NXPH2: variants seen among roughly 807,000 people sequenced by gnomAD.
The protein encoded by NXPH2 is neurexophilin 2, also known as neurexophilin-2.
NXPH2 carries 5 observed loss-of-function variants against 19.8 expected under a neutral mutation model. The ratio of observed to expected loss-of-function variants is 0.25; its 90% confidence interval spans 0.13 to 0.53. NXPH2 has a LOEUF of 0.53. NXPH2 is among the 20% of genes least tolerant of loss of function. The pLI is 0.96. For synonymous variants in NXPH2, 154 were observed against 127.4 expected (o/e 1.21, Z -1.41); for missense variants, 289 against 322.8 (o/e 0.90, Z 0.80).
chr2:138,670,451 A>G lies in NXPH2; in HGVS notation c.*471T>C, dbSNP rs542990082. Among the ~76,000 whole-genome samples the G allele has an allele frequency of 6.6e-6, 1 of 152,342 alleles. No individual in the cohort carries two copies. Among genetic ancestry groups the G allele is most frequent in the East Asian group, 1.9e-4 (1 of 5,186 alleles). ...CAGATGGATGGGGGAAAAGATAGAA[A>G]TATAAAAAAAAGGGTCCAATGTCAA... On this transcript the variant is annotated 3_prime_UTR_variant, in exon 2 of 2. Transcript: ENST00000272641.
At chr2:138,707,094 C>CCAAAAAA (rs1553482501) in intron 1 of NXPH2, among the ~76,000 whole-genome samples, 3 of 34,840 alleles carry the variant, frequency 8.6e-5, no homozygotes, top group African/African-American at 2.4e-4. Flanking sequence ...TGCCCCATGA[C>CCAAAAAA]AAAAAAAAAA....
intron 1 of NXPH2, among the ~76,000 whole-genome samples, chr2:138,688,707 T>A (rs1176024310): frequency 2.0e-5 from 3 of 152,156 alleles, no homozygotes; most frequent in Non-Finnish European, 2.9e-5. Context: ...ATGACAAAAA[T>A]GAAACTTGAA....
At chr2:138,755,586 TAGTA>T (rs909652086) in intron 1 of NXPH2, among the ~76,000 whole-genome samples, 1 of 152,146 alleles carries the variant, frequency 6.6e-6, no homozygotes, top group Non-Finnish European at 1.5e-5. Context: ...TACAGCCTAA[TAGTA>T]AGTCTTAAAA....
intron 1 of NXPH2, among the ~76,000 whole-genome samples, chr2:138,720,217 G>A (rs916131644): frequency 1.3e-5 from 2 of 151,902 alleles, no homozygotes; most frequent in South Asian, 2.1e-4. Context: ...ACAATGCAAA[G>A]TAGGTCTCGT....
intron 1 of NXPH2, among the ~76,000 whole-genome samples, chr2:138,731,332 G>A (rs1428466836): frequency 1.3e-5 from 2 of 151,778 alleles, no homozygotes; most frequent in African/African-American, 2.4e-5. Flanking sequence ...GGAAAAGCTC[G>A]GTCAAATTTA....
At chr2:138,673,806 T>C (rs1328857053) in intron 1 of NXPH2, among the ~76,000 whole-genome samples, 1 of 151,856 alleles carries the variant, frequency 6.6e-6, no homozygotes, top group Non-Finnish European at 1.5e-5. Context: ...TCTAACTGTG[T>C]TTGTACTCAT....
chr2:138,684,077 T>C (rs1558912888), intron 1 of NXPH2, among the ~76,000 whole-genome samples: 2 of 152,240 alleles, frequency 1.3e-5, no homozygotes. Context: ...CAATAATCAT[T>C]CCTGACATTT....
At chr2:138,733,429 G>C (rs754377067) in intron 1 of NXPH2, among the ~76,000 whole-genome samples, 9 of 152,188 alleles carry the variant, frequency 5.9e-5, no homozygotes, top group Non-Finnish European at 1.2e-4. Flanking sequence ...CATTAACCAA[G>C]TCTTCAAGTG....
At chr2:138,755,966 C>T (rs1573979459) in intron 1 of NXPH2, among the ~76,000 whole-genome samples, 1 of 151,734 alleles carries the variant, frequency 6.6e-6, no homozygotes, top group East Asian at 1.9e-4. Context: ...ATTTCAAATT[C>T]CAGTTGTTCT....
chr2:138,708,378 C>T (rs1418735329), intron 1 of NXPH2, among the ~76,000 whole-genome samples: 1 of 152,134 alleles, frequency 6.6e-6, no homozygotes, highest in Non-Finnish European at 1.5e-5. Flanking sequence ...CTATTTTGTA[C>T]ATCAGGATTT....
At chr2:138,772,183 C>G (rs1682189640) in intron 1 of NXPH2, among the ~76,000 whole-genome samples, 1 of 152,118 alleles carries the variant, frequency 6.6e-6, no homozygotes, top group African/African-American at 2.4e-5. Flanking sequence ...GTTAGAGGAA[C>G]TCTCAAAACC....
chr2:138,759,549 A>C (rs1198790954), intron 1 of NXPH2, among the ~76,000 whole-genome samples: 1 of 149,802 alleles, frequency 6.7e-6, no homozygotes, highest in East Asian at 2.0e-4. Context: ...TTGCCAGCCC[A>C]CTTTACCCTT....
chr2:138,697,955 G>T (rs1369086575), intron 1 of NXPH2, among the ~76,000 whole-genome samples: 1 of 151,946 alleles, frequency 6.6e-6, no homozygotes, highest in Non-Finnish European at 1.5e-5. Context: ...ATTTCACTTT[G>T]TTATGACAAT....
intron 1 of NXPH2, among the ~76,000 whole-genome samples, chr2:138,738,238 T>C (rs1681584116): frequency 6.6e-6 from 1 of 152,184 alleles, no homozygotes; most frequent in Non-Finnish European, 1.5e-5. Context: ...TATCTGACTT[T>C]ATTACTTTCT....
intron 1 of NXPH2, among the ~76,000 whole-genome samples, chr2:138,712,832 G>A (rs576963170): frequency 6.6e-6 from 1 of 152,236 alleles, no homozygotes; most frequent in East Asian, 1.9e-4. Flanking sequence ...GGCCTTATAC[G>A]ATGGTCTATG....
intron 1 of NXPH2, among the ~76,000 whole-genome samples, chr2:138,690,690 G>A (rs1316185896): frequency 6.6e-6 from 1 of 151,944 alleles, no homozygotes; most frequent in Non-Finnish European, 1.5e-5. Context: ...GTTACTTACA[G>A]TGTCCTGTAA....
At chr2:138,769,424 A>T (rs1038075520) in intron 1 of NXPH2, among the ~76,000 whole-genome samples, 5 of 152,250 alleles carry the variant, frequency 3.3e-5, no homozygotes, top group Admixed American at 3.3e-4. Context: ...AATCCCAGTG[A>T]AAAGAACTAG....
chr2:138,734,706 G>A lies in NXPH2; in HGVS notation c.51+45485C>T, dbSNP rs937300119. 2.0e-5 allele frequency among the ~76,000 whole-genome samples: 3 copies of A among 152,212 alleles called. No individual in the cohort carries two copies. In the East Asian group the frequency reaches 5.8e-4, roughly 29 times the overall value. ...GCAGAACAAACAAGACTTGGTGGCT[G>A]ATGGGGTATGGAAAATGGGGTGAAG... On this transcript the variant is annotated intron_variant, in intron 1 of 1. Coordinates refer to ENST00000272641, the MANE Select transcript of NXPH2 (RefSeq NM_007226.3).
intron 1 of NXPH2, among the ~76,000 whole-genome samples, chr2:138,682,693 A>G (rs2104970333): frequency 6.6e-6 from 1 of 152,356 alleles, no homozygotes; most frequent in East Asian, 1.9e-4. Flanking sequence ...AGGAACTAAC[A>G]GGAAACATAA....
Sources: gnomAD v4.1 joint callset for allele counts (sites outside exome capture counted in the v4.1 genomes callset) on GRCh38, gnomAD v4.1.1 for gene constraint, MANE v1.5 for transcripts, NCBI Gene and HGNC (gene_info 2026-07-23, HGNC 2026-07-21) for gene names.